Variants in LRP1B observed in about 807,000 individuals in gnomAD.
LRP1B encodes LDL receptor related protein 1B, also known as low-density lipoprotein receptor-related protein 1B.
A neutral mutation model predicts 556.6 loss-of-function variants in LRP1B; 217 were observed. The observed-to-expected ratio is 0.39, with a 90% CI of 0.35 to 0.44. The LOEUF is 0.44. Among genes scored for constraint, LRP1B ranks in the 20% least tolerant of loss-of-function variants. The probability of loss-of-function intolerance (pLI) is 1.00; values close to 1 mark genes in which losing one functional copy is unlikely to be tolerated. For synonymous variants in LRP1B, 2,047 were observed against 1,865.8 expected (o/e 1.10, Z -2.50); for missense variants, 5,053 against 5,620.8 (o/e 0.90, Z 3.23).
chr2:141,349,800 T>TC (rs1688381509), intron 3 of LRP1B, among the ~76,000 whole-genome samples: 1 of 152,102 alleles, frequency 6.6e-6, no homozygotes, highest in Non-Finnish European at 1.5e-5. Context: ...TAAAACATGC[T>TC]CTGAGTTTTC....
chr2:141,501,307 T>C (rs1430006423), intron 2 of LRP1B, among the ~76,000 whole-genome samples: 1 of 152,116 alleles, frequency 6.6e-6, no homozygotes, highest in Non-Finnish European at 1.5e-5. Context: ...CTCAAGAACA[T>C]AAGTATCATA....
At chr2:140,628,008 A>G (rs1683730421) in intron 41 of LRP1B, among the ~76,000 whole-genome samples, 1 of 152,222 alleles carries the variant, frequency 6.6e-6, no homozygotes, top group African/African-American at 2.4e-5. Context: ...TTGTTAAGCA[A>G]CAGAAACAAA....
At chr2:140,249,668 C>T (rs1184500002) in intron 86 of LRP1B, among the ~76,000 whole-genome samples, 1 of 151,650 alleles carries the variant, frequency 6.6e-6, no homozygotes, top group Non-Finnish European at 1.5e-5. Flanking sequence ...AAAATATGTT[C>T]CACTGTTCTG....
chr2:140,725,240 T>A (rs1490398774), intron 35 of LRP1B, among the ~76,000 whole-genome samples: 1 of 152,090 alleles, frequency 6.6e-6, no homozygotes, highest in African/African-American at 2.4e-5. Flanking sequence ...CTTTCTCATA[T>A]CACTTCTACA....
chr2:141,264,194 T>A (rs899272697), intron 3 of LRP1B, among the ~76,000 whole-genome samples: 1 of 152,180 alleles, frequency 6.6e-6, no homozygotes, highest in African/African-American at 2.4e-5. Flanking sequence ...AATGTCTACA[T>A]ACAAAATTGT....
At chr2:141,015,994 C>A in intron 12 of LRP1B, 79 bp from the exon 13 acceptor site, 1 of 1,068,788 alleles carries the variant, frequency 9.4e-7, no homozygotes. Flanking sequence ...TCAGATTTGG[C>A]AGTTCCATAA....
chr2:140,437,479 T>A (rs778921549), intron 66 of LRP1B, among the ~76,000 whole-genome samples: 23 of 152,212 alleles, frequency 1.5e-4, no homozygotes, highest in Non-Finnish European at 3.1e-4. Flanking sequence ...CATGTATTTA[T>A]AATCCACATT....
At chr2:142,050,270 C>T (rs1022251326) in intron 1 of LRP1B, among the ~76,000 whole-genome samples, 5 of 152,052 alleles carry the variant, frequency 3.3e-5, no homozygotes, top group Non-Finnish European at 5.9e-5. Flanking sequence ...TGGCACTTCT[C>T]GCCAGTTTCA....
chr2:141,785,775 A>G (rs1292337791), intron 2 of LRP1B, among the ~76,000 whole-genome samples: 1 of 151,544 alleles, frequency 6.6e-6, no homozygotes, highest in Non-Finnish European at 1.5e-5. Flanking sequence ...GATAATCAAC[A>G]TAATGTTTGC....
chr2:140,766,233 G>C (rs976292629), intron 35 of LRP1B, among the ~76,000 whole-genome samples: 1 of 151,722 alleles, frequency 6.6e-6, no homozygotes, highest in Non-Finnish European at 1.5e-5. Context: ...AGTAGAGACT[G>C]ACACAACAAA....
intron 49 of LRP1B, 121 bp downstream of exon 49, chr2:140,525,723 A>G (rs1038880938): frequency 1.2e-6 from 1 of 843,622 alleles, no homozygotes; most frequent in Non-Finnish European, 1.8e-6. Flanking sequence ...AGTCTGTGCC[A>G]TTTAAATTTT....
At chr2:141,176,879 T>C (rs141486894) in intron 7 of LRP1B, among the ~76,000 whole-genome samples, 2,408 of 152,210 alleles carry the variant, frequency 0.016, 25 homozygotes, top group Middle Eastern at 0.041. Context: ...TCATTTAATG[T>C]TATTACAAAA....
At chr2:142,114,580 C>T (rs756807494) in intron 1 of LRP1B, among the ~76,000 whole-genome samples, 47 of 151,934 alleles carry the variant, frequency 3.1e-4, no homozygotes, top group Middle Eastern at 3.2e-3. Flanking sequence ...AAATATTATT[C>T]GGTCATGAAA....
chr2:141,627,768 G>T (rs1688754809), intron 2 of LRP1B, among the ~76,000 whole-genome samples: 1 of 152,156 alleles, frequency 6.6e-6, no homozygotes, highest in Admixed American at 6.5e-5. Flanking sequence ...GAATCCAAAG[G>T]TAAACTGTGA....
At chr2:142,017,539 A>G (rs1308700232) in intron 1 of LRP1B, among the ~76,000 whole-genome samples, 5 of 152,062 alleles carry the variant, frequency 3.3e-5, no homozygotes, top group Non-Finnish European at 5.9e-5. Flanking sequence ...GGCACATAGA[A>G]GGTGTTCAGT....
chr2:141,626,607 C>G (rs1334250047), intron 2 of LRP1B, among the ~76,000 whole-genome samples: 1 of 152,126 alleles, frequency 6.6e-6, no homozygotes, highest in Non-Finnish European at 1.5e-5. Context: ...TGAAACTCAA[C>G]AGTAAGAAAA....
In LRP1B at chr2:141,918,237, T is replaced by TTA. The variant is rs757287789; in HGVS notation, c.83-107838_83-107837dup. Among the ~76,000 whole-genome samples, 62 of 151,816 alleles carry TTA rather than the reference T, an allele frequency of 4.1e-4. No individual in the cohort carries two copies. The East Asian group carries it at 7.0e-3, about 17-fold the overall frequency. ...GGGAGGATAAATTATAATTATTTTC[T>TTA]TATATATATATACTTCTGCATTGCT... On this transcript the variant is annotated intron_variant, in intron 1 of 90. Coordinates refer to ENST00000389484, the MANE Select transcript of LRP1B (RefSeq NM_018557.3).
intron 21 of LRP1B, among the ~76,000 whole-genome samples, chr2:140,921,084 A>C (rs1694724367): frequency 6.6e-6 from 1 of 152,016 alleles, no homozygotes; most frequent in East Asian, 1.9e-4. Context: ...AAATTTACTT[A>C]ATCGTACTAT....
intron 41 of LRP1B, among the ~76,000 whole-genome samples, chr2:140,665,593 G>C (rs1480141603): frequency 1.3e-5 from 2 of 152,070 alleles, no homozygotes; most frequent in African/African-American, 4.8e-5. Context: ...CATTAGAAAT[G>C]TGTTCATTAT....
Sources: gnomAD v4.1 joint callset for allele counts (sites outside exome capture counted in the v4.1 genomes callset) on GRCh38, gnomAD v4.1.1 for gene constraint, MANE v1.5 for transcripts, NCBI Gene and HGNC (gene_info 2026-07-23, HGNC 2026-07-21) for gene names.